NAALADL2: variants seen among roughly 807,000 people sequenced by gnomAD.
The protein encoded by NAALADL2 is N-acetylated alpha-linked acidic dipeptidase like 2, also known as inactive N-acetylated-alpha-linked acidic dipeptidase-like protein 2.
A neutral mutation model predicts 87.2 loss-of-function variants in NAALADL2; 76 were observed. That is an observed-to-expected ratio of 0.87 (90% confidence interval 0.72 to 1.05). The LOEUF (loss-of-function observed/expected upper bound fraction) is 1.05. Among genes scored for constraint, NAALADL2 ranks in the 50% least tolerant of loss-of-function variants. The pLI, the probability that NAALADL2 is intolerant of heterozygous loss-of-function variation, is 0.00. For missense variants in NAALADL2, 1,089 were observed against 945.8 expected, an observed-to-expected ratio of 1.15 and a Z score of -1.99; for synonymous variants, 354 against 331.0, an observed-to-expected ratio of 1.07 and a Z score of -0.75.
At chr3:174,570,227 T>A (rs1056398096) in intron 2 of NAALADL2, among the ~76,000 whole-genome samples, 1 of 152,084 alleles carries the variant, frequency 6.6e-6, no homozygotes, top group Non-Finnish European at 1.5e-5. Context: ...TTTATACCCA[T>A]GGGAGGGCAA....
intron 1 of NAALADL2, among the ~76,000 whole-genome samples, chr3:175,071,101 T>C (rs887249262): frequency 1.3e-5 from 2 of 152,078 alleles, no homozygotes; most frequent in Admixed American, 1.3e-4. Context: ...TTAGGTCCCT[T>C]GAGTGCCAGT....
At chr3:175,507,940 A>T (rs1430518892) in intron 9 of NAALADL2, among the ~76,000 whole-genome samples, 1 of 152,110 alleles carries the variant, frequency 6.6e-6, no homozygotes, top group Non-Finnish European at 1.5e-5. Context: ...TAAAGAAAAG[A>T]GGTTTAATTG....
chr3:174,693,531 A>T (rs1277117082), intron 2 of NAALADL2, among the ~76,000 whole-genome samples: 1 of 152,218 alleles, frequency 6.6e-6, no homozygotes, highest in Admixed American at 6.5e-5. Flanking sequence ...CCGGCAAAAA[A>T]TATGCCTAAA....
At chr3:175,616,233 T>G (rs866904634) in intron 10 of NAALADL2, among the ~76,000 whole-genome samples, 1 of 148,198 alleles carries the variant, frequency 6.7e-6, no homozygotes, top group South Asian at 2.1e-4. Context: ...ATTTACATTT[T>G]AGAATTATTG....
rs982374106 is a variant in NAALADL2 at position 175,295,706 on chromosome 3, C to T, written c.940-28469C>T. Reference sequence around the variant, plus strand: ...CTTCCCTACTTAAAATCTTTTGATACACATGCACACAAACACACACACACA... The same window carrying T: ...CTTCCCTACTTAAAATCTTTTGATATACATGCACACAAACACACACACACA... On this transcript the variant is annotated intron_variant, in intron 4 of 13. Coordinates refer to ENST00000454872, the MANE Select transcript of NAALADL2 (RefSeq NM_207015.3). Among the ~76,000 whole-genome samples, 3 of 133,864 alleles carry T rather than the reference C, an allele frequency of 2.2e-5. No homozygotes were observed. In the Admixed American group the frequency reaches 2.4e-4, roughly 11 times the overall value. The allele number at this position is 133,864 out of a possible 152,430, so 87.8% of individuals were successfully genotyped here. A position where few individuals can be genotyped will look rare whatever the true frequency, so the allele number is the denominator to read the frequency against.
At chr3:175,721,218 A>T (rs1742190283) in intron 11 of NAALADL2, among the ~76,000 whole-genome samples, 2 of 152,052 alleles carry the variant, frequency 1.3e-5, no homozygotes. Flanking sequence ...CAACCTAATA[A>T]ACGAAAAGTA....
chr3:174,862,808 C>A (rs1291779619), intron 1 of NAALADL2, among the ~76,000 whole-genome samples: 1 of 152,148 alleles, frequency 6.6e-6, no homozygotes, highest in African/African-American at 2.4e-5. Flanking sequence ...GTGCTGCCTA[C>A]CAGCTGCCTG....
chr3:174,789,025 T>C lies in NAALADL2; in HGVS notation c.-9+51279T>C, dbSNP rs139108344. Among the ~76,000 whole-genome samples the C allele has an allele frequency of 6.2e-3, 948 of 152,358 alleles. 8 individuals are homozygous for C. Among genetic ancestry groups the C allele is most frequent in the Middle Eastern group, 0.024 (7 of 294 alleles). On this transcript the variant is annotated intron_variant, in intron 3 of 3. Coordinates refer to the NAALADL2 transcript ENST00000434257. ...ACTAATGGAGGAACTAGGTCTTCGA[T>C]AGAACGATTTTAATAGCCTATGTGA...
At chr3:175,224,660 G>A (rs1008200737) in intron 2 of NAALADL2, among the ~76,000 whole-genome samples, 19 of 152,040 alleles carry the variant, frequency 1.2e-4, no homozygotes, top group African/African-American at 4.6e-4. Flanking sequence ...ACTAGGTCCT[G>A]GCCTGATAGG....
chr3:175,015,390 C>T (rs1750678818), intron 1 of NAALADL2, among the ~76,000 whole-genome samples: 2 of 152,088 alleles, frequency 1.3e-5, no homozygotes, highest in African/African-American at 2.4e-5. Flanking sequence ...AGGGAAAAGC[C>T]TGTTCTGCCA....
chr3:174,755,895 C>G (rs1711991830), intron 3 of NAALADL2, among the ~76,000 whole-genome samples: 1 of 152,240 alleles, frequency 6.6e-6, no homozygotes, highest in Admixed American at 6.5e-5. Context: ...AAGGCTAGCT[C>G]TTTGCTTTTG....
At chr3:175,749,340 T>C (rs76288038) in intron 12 of NAALADL2, among the ~76,000 whole-genome samples, 24,183 of 152,080 alleles carry the variant, frequency 0.16, 2,211 homozygotes, top group African/African-American at 0.24. Flanking sequence ...ACTAATTGTC[T>C]TAGTTCATTT....
chr3:174,743,080 A>G (rs1417026628), intron 3 of NAALADL2, among the ~76,000 whole-genome samples: 2 of 151,752 alleles, frequency 1.3e-5, no homozygotes, highest in East Asian at 3.8e-4. Context: ...CCTGGTATCA[A>G]TCTGATGTGA....
intron 3 of NAALADL2, among the ~76,000 whole-genome samples, chr3:174,826,059 A>G (rs897423356): frequency 3.5e-5 from 5 of 144,442 alleles, no homozygotes; most frequent in East Asian, 1.9e-4. Context: ...CAACGACAAC[A>G]ACAACAACAA....
At chr3:175,515,840 T>C (rs1258768601) in intron 9 of NAALADL2, among the ~76,000 whole-genome samples, 1 of 152,232 alleles carries the variant, frequency 6.6e-6, no homozygotes, top group Non-Finnish European at 1.5e-5. Flanking sequence ...AGGGAACCTC[T>C]GATCACTAAG....
rs143902511 is a variant in NAALADL2 at position 174,481,050 on chromosome 3, GTTAA to G, written c.-184+40026_-184+40029del. On this transcript the variant is annotated intron_variant, in intron 1 of 3. Coordinates refer to the NAALADL2 transcript ENST00000434257. Reference sequence around the variant, plus strand: ...AGCCAGTGAGCCTATAAGAAAATCAGTTAATTAATTACAACTTGTTTGGAGATTG... The same window carrying G: ...AGCCAGTGAGCCTATAAGAAAATCAGTTAATTACAACTTGTTTGGAGATTG... Among the ~76,000 whole-genome samples, 1,019 of 152,152 alleles carry G rather than the reference GTTAA, an allele frequency of 6.7e-3. 12 individuals carry two copies. The highest frequency in any genetic ancestry group is 0.024 in the African/African-American group (981 of 41,534).
intron 11 of NAALADL2, among the ~76,000 whole-genome samples, chr3:175,655,825 A>T (rs1482557253): frequency 2.0e-5 from 3 of 152,188 alleles, no homozygotes; most frequent in Non-Finnish European, 4.4e-5. Context: ...AGTATGGCAG[A>T]TGCATGCTAC....
intron 2 of NAALADL2, among the ~76,000 whole-genome samples, chr3:175,212,261 C>T (rs1012433078): frequency 6.6e-6 from 1 of 151,652 alleles, no homozygotes; most frequent in East Asian, 1.9e-4. Context: ...CTTTGTAGAA[C>T]ATCTATACAC....
chr3:174,602,565 TCA>T (rs1718564620), intron 2 of NAALADL2, among the ~76,000 whole-genome samples: 5 of 151,946 alleles, frequency 3.3e-5, no homozygotes, highest in Admixed American at 1.3e-4. Flanking sequence ...AAATTATATT[TCA>T]AATATAATTT....
Sources: gnomAD v4.1 joint callset for allele counts (sites outside exome capture counted in the v4.1 genomes callset) on GRCh38, gnomAD v4.1.1 for gene constraint, MANE v1.5 for transcripts, NCBI Gene and HGNC (gene_info 2026-07-23, HGNC 2026-07-21) for gene names.